The following CNTN5 variants were observed in gnomAD, a reference collection of about 807,000 sequenced individuals.
The protein encoded by CNTN5 is contactin 5.
Under a neutral mutation model 129.1 loss-of-function variants are expected in CNTN5, and 77 were observed. That is an observed-to-expected ratio of 0.60 (90% confidence interval 0.50 to 0.72). CNTN5 has a LOEUF of 0.72. Ranked by LOEUF, CNTN5 falls within the 30% of genes least tolerant of loss-of-function variation. The probability of loss-of-function intolerance (pLI) is 0.00; values close to 1 mark genes in which losing one functional copy is unlikely to be tolerated. For missense variants in CNTN5, 1,478 were observed against 1,328.8 expected, an observed-to-expected ratio of 1.11 and a Z score of -1.75; for synonymous variants, 509 against 465.6, an observed-to-expected ratio of 1.09 and a Z score of -1.20.
intron 1 of CNTN5, among the ~76,000 whole-genome samples, chr11:99,038,496 T>G (rs1863851543): frequency 6.6e-6 from 1 of 152,098 alleles, no homozygotes. Context: ...TAGTCATCAG[T>G]GGTGTATAAC....
At chr11:100,199,631 A>G (rs1311159773) in intron 15 of CNTN5, among the ~76,000 whole-genome samples, 1 of 151,936 alleles carries the variant, frequency 6.6e-6, no homozygotes. Flanking sequence ...CCTGACTTGT[A>G]TGTGCTAAAA....
intron 15 of CNTN5, among the ~76,000 whole-genome samples, chr11:100,200,843 A>G (rs568635403): frequency 1.3e-5 from 2 of 152,118 alleles, no homozygotes; most frequent in Admixed American, 6.6e-5. Flanking sequence ...CTAGCTCAGT[A>G]ACTCCAGAAA....
intron 15 of CNTN5, among the ~76,000 whole-genome samples, chr11:100,201,049 G>A (rs1393731712): frequency 6.6e-6 from 1 of 151,822 alleles, no homozygotes; most frequent in Non-Finnish European, 1.5e-5. Context: ...GCCTATTATT[G>A]GGAAATGTGA....
At chr11:99,834,582 T>C (rs1193024746) in intron 4 of CNTN5, among the ~76,000 whole-genome samples, 1 of 152,160 alleles carries the variant, frequency 6.6e-6, no homozygotes, top group Non-Finnish European at 1.5e-5. Context: ...CCTTTTAAAA[T>C]CATTTTTAAA....
At chr11:100,053,861 T>A (rs1943086249) in intron 9 of CNTN5, among the ~76,000 whole-genome samples, 1 of 151,770 alleles carries the variant, frequency 6.6e-6, no homozygotes, top group Admixed American at 6.6e-5. Context: ...CATATATCGA[T>A]ATACTCCTCG....
chr11:99,512,414 C>G (rs1003668984), intron 2 of CNTN5, among the ~76,000 whole-genome samples: 3 of 152,244 alleles, frequency 2.0e-5, no homozygotes, highest in Non-Finnish European at 2.9e-5. Flanking sequence ...CACAAGAAAT[C>G]GCCTAATGGG....
intron 2 of CNTN5, among the ~76,000 whole-genome samples, chr11:99,355,509 A>C (rs944010762): frequency 6.6e-6 from 1 of 152,098 alleles, no homozygotes; most frequent in Non-Finnish European, 1.5e-5. Flanking sequence ...TGAATTTGGA[A>C]AGGTTAGAGC....
At position 99,022,554 on chromosome 11, in the gene CNTN5, A is replaced by T. The variant is rs572686677; in HGVS notation, c.-210+1284A>T. 7.2e-5 allele frequency among the ~76,000 whole-genome samples: 11 copies of T among 152,280 alleles called. No homozygotes were observed. In the East Asian group the frequency reaches 2.1e-3, roughly 29 times the overall value. ...GTGGGGACTAGTATGCTGAGTCTTA[A>T]ACTTAACAGGCATAAGTTTACTCTG... On this transcript the variant is annotated intron_variant, in intron 1 of 24. Coordinates refer to ENST00000524871, the MANE Select transcript of CNTN5 (RefSeq NM_014361.4).
Position 100,228,061 on chromosome 11 carries a change from T to C in CNTN5, c.2005+3249T>C, listed in dbSNP as rs151113610. On this transcript the variant is annotated intron_variant, in intron 16 of 24. Transcript: ENST00000524871. The stretch of plus-strand genomic sequence containing the variant: ...AAGGGTAGGAAACTAAAGAATAATA[T>C]GTGCTTAGCTAAACTAGGGTAACTA... Among the ~76,000 whole-genome samples, 232 of 152,350 alleles carry C rather than the reference T, an allele frequency of 1.5e-3. 1 individual carries two copies. The highest frequency in any genetic ancestry group is 5.1e-3 in the African/African-American group (212 of 41,586).
At chr11:99,625,212 C>T (rs1279252854) in intron 3 of CNTN5, among the ~76,000 whole-genome samples, 2 of 152,118 alleles carry the variant, frequency 1.3e-5, no homozygotes, top group African/African-American at 2.4e-5. Context: ...GTCCCAAATC[C>T]ATTTCTTGTT....
At chr11:99,723,256 G>T (rs1190261258) in intron 3 of CNTN5, among the ~76,000 whole-genome samples, 1 of 151,860 alleles carries the variant, frequency 6.6e-6, no homozygotes, top group South Asian at 2.1e-4. Context: ...AGCCAAACTT[G>T]TATTTCTTCC....
At chr11:99,481,800 C>T (rs1054375894) in intron 2 of CNTN5, among the ~76,000 whole-genome samples, 1 of 152,138 alleles carries the variant, frequency 6.6e-6, no homozygotes, top group African/African-American at 2.4e-5. Context: ...ATTTTCTCCC[C>T]TGTGCCAGAA....
chr11:99,467,711 A>G (rs2135261934), intron 2 of CNTN5, among the ~76,000 whole-genome samples: 1 of 152,296 alleles, frequency 6.6e-6, no homozygotes, highest in Admixed American at 6.5e-5. Context: ...CCTTTCATTT[A>G]TAATACTTAA....
At chr11:99,574,355 C>G (rs1949277349) in intron 3 of CNTN5, among the ~76,000 whole-genome samples, 1 of 152,140 alleles carries the variant, frequency 6.6e-6, no homozygotes, top group Admixed American at 6.5e-5. Context: ...GTGAATAGTG[C>G]TGCAATAAAC....
At chr11:99,319,247 TA>T (rs1481240843) in intron 1 of CNTN5, among the ~76,000 whole-genome samples, 4 of 152,214 alleles carry the variant, frequency 2.6e-5, no homozygotes, top group Non-Finnish European at 4.4e-5. Flanking sequence ...TGATTATTTT[TA>T]ACTCTCACAA....
At position 100,029,379 on chromosome 11, in the gene CNTN5, G is replaced by A. The variant is rs370952349; in HGVS notation, c.980+27243G>A. On this transcript the variant is annotated intron_variant, in intron 9 of 24. Coordinates refer to ENST00000524871, the MANE Select transcript of CNTN5 (RefSeq NM_014361.4). ...GGGTGGATCATGAGGTCAGGAGATC[G>A]AGACCATCCTGGCTAAGACGGTGAA... Among the ~76,000 whole-genome samples the A allele has an allele frequency of 1.8e-4, 27 of 151,742 alleles. No homozygotes were observed. In the East Asian group the frequency reaches 4.3e-3, roughly 24 times the overall value.
intron 2 of CNTN5, among the ~76,000 whole-genome samples, chr11:99,413,152 G>A (rs1942475334): frequency 6.6e-6 from 1 of 152,036 alleles, no homozygotes; most frequent in African/African-American, 2.4e-5. Context: ...CTACATCAAA[G>A]CACCCTGAAA....
At chr11:99,669,663 C>T (rs1315945501) in intron 3 of CNTN5, among the ~76,000 whole-genome samples, 1 of 152,008 alleles carries the variant, frequency 6.6e-6, no homozygotes, top group East Asian at 1.9e-4. Flanking sequence ...TAGTAAAGAC[C>T]TACAACGAAT....
chr11:100,079,220 C>A (rs970631360), intron 13 of CNTN5, among the ~76,000 whole-genome samples: 2 of 152,040 alleles, frequency 1.3e-5, no homozygotes, highest in African/African-American at 4.8e-5. Context: ...AAAGCCTAAC[C>A]GTATTAATAT....
Sources: allele counts gnomAD v4.1 joint callset (sites outside exome capture counted in the v4.1 genomes callset), GRCh38; gene constraint gnomAD v4.1.1; transcripts MANE v1.5; gene names NCBI Gene and HGNC (gene_info 2026-07-23, HGNC 2026-07-21).